The following TAS2R1 variants were observed in gnomAD, a reference collection of about 807,000 sequenced individuals.
TAS2R1 encodes taste 2 receptor member 1.
For missense variants in TAS2R1, 370 were observed against 353.4 expected, an observed-to-expected ratio of 1.05 and a Z score of -0.38; for synonymous variants, 141 against 134.2, an observed-to-expected ratio of 1.05 and a Z score of -0.35.
chr5:9,837,433 T>C, the TAS2R1 span, among the ~76,000 whole-genome samples: 1 of 152,230 alleles, frequency 6.6e-6, no homozygotes, highest in Non-Finnish European at 1.5e-5. Flanking sequence ...GAACCTTTGG[T>C]GGATGCTAAT....
At chr5:9,639,665 C>T (rs1740033367) in intron 2 of TAS2R1, among the ~76,000 whole-genome samples, 1 of 152,200 alleles carries the variant, frequency 6.6e-6, no homozygotes, top group African/African-American at 2.4e-5. Context: ...CCAACCTTAG[C>T]TAAATCTTCT....
the TAS2R1 span, among the ~76,000 whole-genome samples, chr5:9,755,194 C>T: frequency 6.6e-6 from 1 of 152,088 alleles, no homozygotes; most frequent in East Asian, 1.9e-4. Context: ...AGAAAAGAGT[C>T]CCGATCCAGA....
At chr5:9,878,502 A>T in the TAS2R1 span, among the ~76,000 whole-genome samples, 1 of 152,218 alleles carries the variant, frequency 6.6e-6, no homozygotes, top group Admixed American at 6.5e-5. Context: ...TGAACCACGA[A>T]CGCTTGTATC....
intron 2 of TAS2R1, among the ~76,000 whole-genome samples, chr5:9,648,503 G>A (rs926192835): frequency 1.3e-5 from 2 of 151,940 alleles, no homozygotes; most frequent in African/African-American, 2.4e-5. Flanking sequence ...TCTCTGAATC[G>A]TGGGGAACAT....
chr5:9,780,828 C>T, the TAS2R1 span, among the ~76,000 whole-genome samples: 1 of 152,090 alleles, frequency 6.6e-6, no homozygotes, highest in Non-Finnish European at 1.5e-5. Context: ...AAAAGAATAC[C>T]CTCAACTCTG....
At chr5:9,799,679 G>A in the TAS2R1 span, among the ~76,000 whole-genome samples, 1 of 152,168 alleles carries the variant, frequency 6.6e-6, no homozygotes, top group Non-Finnish European at 1.5e-5. Context: ...AAGCATTTAA[G>A]TCAAACAAGA....
chr5:9,884,245 G>A, the TAS2R1 span, among the ~76,000 whole-genome samples: 1 of 152,016 alleles, frequency 6.6e-6, no homozygotes, highest in African/African-American at 2.4e-5. Flanking sequence ...GGAGGCGGAG[G>A]TGGGTGGATC....
At chr5:9,708,095 G>A (rs1370275322) in intron 1 of TAS2R1, among the ~76,000 whole-genome samples, 1 of 152,168 alleles carries the variant, frequency 6.6e-6, no homozygotes, top group Non-Finnish European at 1.5e-5. Flanking sequence ...GCATTTGAAG[G>A]CAGCCGAGGA....
At chr5:9,824,717 G>A in the TAS2R1 span, among the ~76,000 whole-genome samples, 1 of 151,908 alleles carries the variant, frequency 6.6e-6, no homozygotes. Context: ...TGTGGTGGTG[G>A]GCGCCTGTAA....
At chr5:9,745,939 C>T in the TAS2R1 span, among the ~76,000 whole-genome samples, 182 of 152,236 alleles carry the variant, frequency 1.2e-3, 1 homozygote, top group African/African-American at 4.0e-3. Flanking sequence ...AACTAAAGAA[C>T]TTCTGCACAG....
the TAS2R1 span, among the ~76,000 whole-genome samples, chr5:9,796,952 G>A: frequency 3.9e-5 from 6 of 152,054 alleles, no homozygotes; most frequent in African/African-American, 9.7e-5. Flanking sequence ...GTCCTTAGTC[G>A]GCAGACATTG....
At chr5:9,786,622 T>G in the TAS2R1 span, among the ~76,000 whole-genome samples, 2 of 152,198 alleles carry the variant, frequency 1.3e-5, no homozygotes, top group Non-Finnish European at 2.9e-5. Context: ...TAGTATAGGA[T>G]GTAGCTGAGC....
At chr5:9,691,357 C>A (rs957085902) in intron 1 of TAS2R1, among the ~76,000 whole-genome samples, 1 of 152,248 alleles carries the variant, frequency 6.6e-6, no homozygotes, top group Non-Finnish European at 1.5e-5. Flanking sequence ...ACCCCGCTGG[C>A]ACCTTCATTT....
the TAS2R1 span, among the ~76,000 whole-genome samples, chr5:9,818,734 A>G: frequency 3.9e-5 from 6 of 152,198 alleles, no homozygotes; most frequent in Non-Finnish European, 5.9e-5. Context: ...ACTCAGTCGC[A>G]AGTCCATCCT....
intron 1 of TAS2R1, among the ~76,000 whole-genome samples, chr5:9,706,526 G>A (rs1008976998): frequency 6.6e-6 from 1 of 152,218 alleles, no homozygotes; most frequent in African/African-American, 2.4e-5. Context: ...AGGCTAGTGA[G>A]AGTTAGACAA....
At chr5:9,716,564 T>C (rs1192868209), upstream of TAS2R1, among the ~76,000 whole-genome samples, 4 of 143,782 alleles carry the variant, frequency 2.8e-5, no homozygotes, top group Non-Finnish European at 6.1e-5. Flanking sequence ...TATATATATA[T>C]GCTTACAGTT....
intron 1 of TAS2R1, among the ~76,000 whole-genome samples, chr5:9,710,954 AATT>A (rs1264619474): frequency 1.4e-5 from 2 of 139,694 alleles, no homozygotes; most frequent in African/African-American, 2.7e-5. Context: ...TATAATATAT[AATT>A]ATATTTATAT....
chr5:9,889,208 G>A, the TAS2R1 span, among the ~76,000 whole-genome samples: 3 of 152,196 alleles, frequency 2.0e-5, no homozygotes, highest in Non-Finnish European at 4.4e-5. Flanking sequence ...ATTTCTGGTT[G>A]TCTTCCTTTA....
chr5:9,740,420 T>C, the TAS2R1 span, among the ~76,000 whole-genome samples: 1 of 152,204 alleles, frequency 6.6e-6, no homozygotes, highest in African/African-American at 2.4e-5. Flanking sequence ...CACTGCTTCA[T>C]GGATCAGTTT....
Sources: gnomAD v4.1 joint callset for allele counts (sites outside exome capture counted in the v4.1 genomes callset) on GRCh38, gnomAD v4.1.1 for gene constraint, MANE v1.5 for transcripts, NCBI Gene and HGNC (gene_info 2026-07-23, HGNC 2026-07-21) for gene names.